Variants in SLC6A4 observed in about 807,000 individuals in gnomAD.
The protein encoded by SLC6A4 is solute carrier family 6 member 4.
A neutral mutation model predicts 73.4 loss-of-function variants in SLC6A4; 22 were observed. The observed-to-expected ratio is 0.30, with a 90% CI of 0.21 to 0.43. SLC6A4 has a LOEUF of 0.43. Among genes scored for constraint, SLC6A4 ranks in the 20% least tolerant of loss-of-function variants. The probability of loss-of-function intolerance (pLI) is 1.00; values close to 1 mark genes in which losing one functional copy is unlikely to be tolerated. For missense variants in SLC6A4, 593 were observed against 808.5 expected (o/e 0.73, Z 3.23); for synonymous variants, 270 against 315.5 (o/e 0.86, Z 1.53).
rs1201575822 is a variant in SLC6A4 at position 30,217,270 on chromosome 17, G to A, written c.733C>T (p.Leu245Phe). 1.9e-6 allele frequency: 3 copies of A among 1,614,184 alleles called. No individual in the cohort carries two copies. Among genetic ancestry groups the A allele is most frequent in the Non-Finnish European group, 2.5e-6 (3 of 1,180,000 alleles). Residue 245 changes from leucine to phenylalanine, a missense_variant, in exon 6 of 15, where the codon CTC becomes TTC. By Grantham distance (22) the Leu-to-Phe change is conservative (BLOSUM62 0). Transcript: ENST00000650711. The stretch of plus-strand genomic sequence containing the variant: ...CAGCTGATGCCCCCCAGGTCCTGGA[G>A]CCCCTTAGACCGGTGGATCTGCAGG... ...HVLQIHRSKGLQDLGGISWQL... is the reference protein window; with the variant it reads ...HVLQIHRSKGFQDLGGISWQL...
intron 1 of SLC6A4, among the ~76,000 whole-genome samples, chr17:30,234,067 C>T (rs895197710): frequency 1.3e-5 from 2 of 152,118 alleles, no homozygotes; most frequent in Admixed American, 6.5e-5. Flanking sequence ...TTGCGAAACT[C>T]TTCAACATGC....
At chr17:30,230,100 AG>A (rs1251786986) in intron 1 of SLC6A4, among the ~76,000 whole-genome samples, 3,499 of 125,322 alleles carry the variant, frequency 0.028, 86 homozygotes, top group African/African-American at 0.066. Context: ...GAAGAAGAGG[AG>A]GAAGAGGAAG....
intron 1 of SLC6A4, among the ~76,000 whole-genome samples, chr17:30,224,358 C>T (rs1906866274): frequency 6.6e-6 from 1 of 152,132 alleles, no homozygotes; most frequent in South Asian, 2.1e-4. Context: ...GCTGGGACTA[C>T]AGGCGTGCTC....
At chr17:30,230,147 G>T (rs1907067142) in intron 1 of SLC6A4, among the ~76,000 whole-genome samples, 1 of 122,524 alleles carries the variant, frequency 8.2e-6, no homozygotes, top group African/African-American at 3.1e-5. Context: ...GGAGGAGGAG[G>T]AGGAAGAGGA....
Position 30,218,845 on chromosome 17 carries a change from G to A in SLC6A4, c.430C>T (p.Arg144Ter), listed in dbSNP as rs759098089. 5.0e-6 allele frequency: 8 copies of A among 1,613,836 alleles called. No homozygotes were observed. The highest frequency in any genetic ancestry group is 1.7e-5 in the Admixed American group (1 of 59,974). ...CTCCATATTGAAATGCATCCATTTC[G>A]GTGGTACTGTCCCAGTGCGAGCTCC... ...YMELALGQYH[R>*]NGCISIWRKI... Residue 144 changes from arginine to a stop codon, truncating the protein, a stop_gained, in exon 4 of 15, where the codon CGA becomes TGA. Coordinates refer to ENST00000650711, the MANE Select transcript of SLC6A4 (RefSeq NM_001045.6). LOFTEE classifies it high-confidence loss of function.
chr17:30,224,246 T>C (rs890092679), intron 1 of SLC6A4, among the ~76,000 whole-genome samples: 2 of 151,022 alleles, frequency 1.3e-5, no homozygotes, highest in Non-Finnish European at 2.9e-5. Context: ...TTTGAAACAG[T>C]CTTGCTCTGT....
intron 13 of SLC6A4, 52 bp downstream of exon 13, chr17:30,207,680 C>T (rs1173746487): frequency 2.5e-6 from 3 of 1,200,954 alleles, no homozygotes; most frequent in African/African-American, 1.5e-5. Flanking sequence ...TTTTATGTGT[C>T]TGGGGGAAGT....
chr17:30,224,342 C>T (rs1165275186), intron 1 of SLC6A4, among the ~76,000 whole-genome samples: 7 of 152,128 alleles, frequency 4.6e-5, no homozygotes, highest in African/African-American at 9.7e-5. Context: ...CCTCAGCCTC[C>T]GAGTAGCTGG....
At chr17:30,222,102 G>A (rs779842925) in intron 2 of SLC6A4, 21 bp from the exon 3 acceptor site, 11 of 1,510,148 alleles carry the variant, frequency 7.3e-6, no homozygotes, top group Admixed American at 6.2e-5. Context: ...GACACACAGA[G>A]GAAGGAGAAA....
At chr17:30,210,144 C>T (rs1270756848) in intron 11 of SLC6A4, among the ~76,000 whole-genome samples, 1 of 151,394 alleles carries the variant, frequency 6.6e-6, no homozygotes, top group African/African-American at 2.4e-5. Flanking sequence ...CTGGAGGAGA[C>T]CAAGCGGCAT....
At chr17:30,198,959 C>A (rs894862130) in intron 14 of SLC6A4, among the ~76,000 whole-genome samples, 1 of 152,186 alleles carries the variant, frequency 6.6e-6, no homozygotes, top group Non-Finnish European at 1.5e-5. Context: ...TTGTCTCCTG[C>A]AGACACACTG....
chr17:30,203,147 C>CAT, intron 14 of SLC6A4, 25 bp downstream of exon 14: 1 of 1,575,488 alleles, frequency 6.3e-7, no homozygotes, highest in South Asian at 1.1e-5. Context: ...TGAACACACA[C>CAT]ATATACACAC....
In SLC6A4 at chr17:30,207,765, G is replaced by T; in HGVS notation, c.1617C>A (p.Ile539=). The change falls in exon 13 of 15, where the codon ATC becomes ATA. Residue 539 remains isoleucine (I), a synonymous_variant. Coordinates refer to ENST00000650711, the MANE Select transcript of SLC6A4 (RefSeq NM_001045.6). ...ACAGAGGGCTGATGGCCACCCAGCA[G>T]ATCCTCCAGAACCACCCCGGGCTGA... ...LGFSPGWFWR[I]CWVAISPLFL... is the part of the protein sequence containing the mutation. The T allele has an allele frequency of 6.2e-7, 1 of 1,613,924 alleles. No homozygotes were observed. The highest frequency in any genetic ancestry group is 8.5e-7 in the Non-Finnish European group (1 of 1,179,816).
chr17:30,227,444 T>G (rs1906962941), intron 1 of SLC6A4, among the ~76,000 whole-genome samples: 1 of 152,052 alleles, frequency 6.6e-6, no homozygotes, highest in Non-Finnish European at 1.5e-5. Context: ...AGAGTCAGTT[T>G]AGTGTTTTTT....
intron 9 of SLC6A4, among the ~76,000 whole-genome samples, chr17:30,212,368 C>A (rs748125027): frequency 1.3e-5 from 2 of 152,144 alleles, no homozygotes; most frequent in African/African-American, 4.8e-5. Context: ...TCTAAGGCAT[C>A]GAGCTTCTCT....
chr17:30,233,134 C>T (rs1484306740), intron 1 of SLC6A4, among the ~76,000 whole-genome samples: 2 of 152,222 alleles, frequency 1.3e-5, no homozygotes, highest in African/African-American at 4.8e-5. Flanking sequence ...GTCTGCCTCA[C>T]TTGTCCCAAG....
At position 30,235,197 on chromosome 17, in the gene SLC6A4, G is replaced by A. The variant is rs1907231338; in HGVS notation, c.-221+416C>T. 6.6e-6 allele frequency among the ~76,000 whole-genome samples: 1 copy of A among 152,190 alleles called. No homozygotes were observed. Among genetic ancestry groups the A allele is most frequent in the Non-Finnish European group, 1.5e-5 (1 of 68,038 alleles). On this transcript the variant is annotated intron_variant, in intron 1 of 14. Transcript: ENST00000650711. This position sits in a 1 kb window ranked among gnomAD's most constrained non-coding sequence, Gnocchi z 4.5. ...ACTCTCCCTTTGCATAAAGCCACCT[G>A]CACGCGATGACAGCAAAGTAAAGAT... is the stretch of plus-strand genomic sequence containing the variant.
intron 13 of SLC6A4, among the ~76,000 whole-genome samples, chr17:30,205,065 C>T (rs1906149170): frequency 6.6e-6 from 1 of 152,180 alleles, no homozygotes; most frequent in Non-Finnish European, 1.5e-5. Flanking sequence ...CAGGATCTAA[C>T]AGGGCCAGAT....
At chr17:30,207,632 C>A in intron 13 of SLC6A4, 100 bp downstream of exon 13, 1 of 773,878 alleles carries the variant, frequency 1.3e-6, no homozygotes, top group Non-Finnish European at 2.2e-6. Context: ...GTTGGGATTA[C>A]AAGGATGAGC....
Sources: gnomAD v4.1 joint callset for allele counts (sites outside exome capture counted in the v4.1 genomes callset) on GRCh38, gnomAD v4.1.1 for gene constraint, Gnocchi (gnomAD v3.1) non-coding constraint, MANE v1.5 for transcripts, NCBI Gene and HGNC (gene_info 2026-07-23, HGNC 2026-07-21) for gene names.